PCNX4: variants seen among roughly 807,000 people sequenced by gnomAD.
The protein encoded by PCNX4 is pecanex-like protein 4.
In PCNX4, 103 loss-of-function variants were observed where a neutral mutation model predicts 107.2. The ratio of observed to expected loss-of-function variants is 0.96; its 90% confidence interval spans 0.82 to 1.13. The LOEUF is 1.13. Among genes scored for constraint, PCNX4 ranks in the 50% most tolerant of loss-of-function variants. The pLI, the probability that PCNX4 is intolerant of heterozygous loss-of-function variation, is 0.00. For missense variants in PCNX4, 1,528 were observed against 1,379.4 expected, an observed-to-expected ratio of 1.11 and a Z score of -1.71; for synonymous variants, 541 against 481.7, an observed-to-expected ratio of 1.12 and a Z score of -1.61.
chr14:60,117,549 C>G (rs309000), intron 6 of PCNX4, among the ~76,000 whole-genome samples: 39,652 of 152,010 alleles, frequency 0.26, 7,618 homozygotes, highest in African/African-American at 0.54. Flanking sequence ...TTGGGTATAC[C>G]TACCTAGGAC....
In PCNX4 at chr14:60,122,864, G is replaced by A. The variant is rs373843487; in HGVS notation, c.2047-1354G>A. Among the ~76,000 whole-genome samples, 18 of 152,014 alleles carry A rather than the reference G, an allele frequency of 1.2e-4. No homozygotes were observed. The East Asian group carries it at 3.3e-3, about 28-fold the overall frequency. ...GTACTAGCACAGATTGGATAAAATC[G>A]CTAGTGACTAAAAAGCTGTCTCTTT... On this transcript the variant is annotated intron_variant, in intron 8 of 10. Coordinates refer to ENST00000406854, the MANE Select transcript of PCNX4 (RefSeq NM_001330177.2).
At chr14:60,102,438 A>G (rs998264284) in intron 1 of PCNX4, among the ~76,000 whole-genome samples, 2 of 152,162 alleles carry the variant, frequency 1.3e-5, no homozygotes, top group Non-Finnish European at 2.9e-5. Context: ...GATTTTTAGT[A>G]TGGTGTTATA....
chr14:60,100,853 C>T (rs1352806981), intron 1 of PCNX4, among the ~76,000 whole-genome samples: 1 of 152,206 alleles, frequency 6.6e-6, no homozygotes, highest in Admixed American at 6.5e-5. Flanking sequence ...TGAAATTGCC[C>T]TGCAAAGTCT....
At chr14:60,122,183 C>G (rs1174561443) in intron 8 of PCNX4, among the ~76,000 whole-genome samples, 1 of 152,164 alleles carries the variant, frequency 6.6e-6, no homozygotes, top group Non-Finnish European at 1.5e-5. Context: ...TGATCCCTTA[C>G]CTGGATAATT....
At chr14:60,095,509 G>C (rs1134484) in intron 1 of PCNX4, among the ~76,000 whole-genome samples, 19 of 152,204 alleles carry the variant, frequency 1.2e-4, no homozygotes, top group South Asian at 8.3e-4. Context: ...AAACCAAAAG[G>C]GGGGAGACAG....
chr14:60,125,848 T>TA, intron 10 of PCNX4, 25 bp downstream of exon 10: 3 of 1,481,356 alleles, frequency 2.0e-6, no homozygotes, highest in Non-Finnish European at 1.8e-6. Flanking sequence ...TTTTTAAACT[T>TA]ACATATACTA....
chr14:60,138,471 C>T lies in PCNX4; in HGVS notation c.*4250C>T, dbSNP rs1164022751. 2 of 152,052 alleles carry T rather than the reference C, an allele frequency of 1.3e-5. No homozygotes were observed. Among genetic ancestry groups the T allele is most frequent in the Non-Finnish European group, 2.9e-5 (2 of 67,996 alleles). 9.4% of individuals were successfully genotyped at this position (152,052 alleles called of 1,614,324 possible). A position where few individuals can be genotyped will look rare whatever the true frequency, so the allele number is the denominator to read the frequency against. On this transcript the variant is annotated 3_prime_UTR_variant, in exon 11 of 11. Coordinates refer to ENST00000406854, the MANE Select transcript of PCNX4 (RefSeq NM_001330177.2). ...ACAAAAAGAAAATCATTAAAGGAGC[C>T]AGACAATGATAAAAGACATTACTTT...
intron 2 of PCNX4, chr14:60,109,780 G>A (rs1214428916): frequency 6.0e-6 from 1 of 167,110 alleles, no homozygotes; most frequent in Non-Finnish European, 1.5e-5. Flanking sequence ...GGACATTAAG[G>A]GTGATTCTGA....
Position 60,116,028 on chromosome 14 carries a change from A to G in PCNX4, c.1546A>G (p.Arg516Gly). 6.2e-7 allele frequency: 1 copy of G among 1,612,580 alleles called. No homozygotes were observed. The highest frequency in any genetic ancestry group is 8.5e-7 in the Non-Finnish European group (1 of 1,179,270). Reference protein sequence around the residue: ...LISSTDIWWNRSLDTGLRLLL... With the variant: ...LISSTDIWWNGSLDTGLRLLL... The stretch of plus-strand genomic sequence containing the variant: ...CTCCAGTACAGACATATGGTGGAAC[A>G]GAAGCCTGGATACAGGACTCAGACT... The change falls in exon 6 of 11, where the codon AGA (arginine) becomes GGA (glycine). Residue 516 changes from arginine (R) to glycine (G), a missense_variant. Coordinates refer to ENST00000406854, the MANE Select transcript of PCNX4 (RefSeq NM_001330177.2).
At chr14:60,092,528 A>G (rs1173418274) in intron 1 of PCNX4, 109 bp downstream of exon 1, 1 of 152,212 alleles carries the variant, frequency 6.6e-6, no homozygotes, top group African/African-American at 2.4e-5. Flanking sequence ...CAAGAAACAT[A>G]TTTTTCGTTT....
rs775186557 is a variant in PCNX4 at position 60,115,994 on chromosome 14, A to G, written c.1512A>G (p.Val504=). ...TGGAGACAGTCATTGTATCAACAGT[A>G]CACTTGATCTCCAGTACAGACATAT... The part of the protein sequence containing the change: ...ALLETVIVST[V]HLISSTDIWW... The change falls in exon 6 of 11, where the codon GTA becomes GTG. Residue 504 remains valine, a synonymous_variant. Transcript: ENST00000406854. 6.2e-7 allele frequency: 1 copy of G among 1,612,930 alleles called. No individual in the cohort carries two copies. The highest frequency in any genetic ancestry group is 8.5e-7 in the Non-Finnish European group (1 of 1,179,286).
At chr14:60,101,601 G>A (rs1895533789) in intron 1 of PCNX4, among the ~76,000 whole-genome samples, 1 of 152,074 alleles carries the variant, frequency 6.6e-6, no homozygotes, top group Non-Finnish European at 1.5e-5. Flanking sequence ...GTGTTGGTGA[G>A]GATATGGAGG....
chr14:60,108,529 G>GT (rs1457216502), intron 2 of PCNX4: 13 of 389,908 alleles, frequency 3.3e-5, no homozygotes, highest in Non-Finnish European at 5.5e-5. Context: ...TTATTAAAGA[G>GT]TTTTTTTAAA....
Position 60,139,051 on chromosome 14 carries a change from G to A in PCNX4, c.*4830G>A, listed in dbSNP as rs1896274530. Reference sequence around the variant, plus strand: ...TACAGGGCTAAAGTGGAATAATAAGGCAAAAAGGTAGAGAAAATATAGAAC... The same window carrying A: ...TACAGGGCTAAAGTGGAATAATAAGACAAAAAGGTAGAGAAAATATAGAAC... On this transcript the variant is annotated 3_prime_UTR_variant, in exon 11 of 11. Transcript: ENST00000406854. 6.6e-6 allele frequency: 1 copy of A among 151,854 alleles called. No individual in the cohort carries two copies. Among genetic ancestry groups the A allele is most frequent in the South Asian group, 2.1e-4 (1 of 4,822 alleles). The allele number at this position is 151,854 out of a possible 1,614,324, so 9.4% of individuals were successfully genotyped here. A position where few individuals can be genotyped will look rare whatever the true frequency, so the allele number is the denominator to read the frequency against.
chr14:60,119,401 C>T (rs1291184198), intron 7 of PCNX4, among the ~76,000 whole-genome samples: 1 of 152,154 alleles, frequency 6.6e-6, no homozygotes, highest in African/African-American at 2.4e-5. Context: ...TGTGCTTTAA[C>T]CCCTGAAACT....
In PCNX4 at chr14:60,108,115, C is replaced by T. The variant is rs746014808; in HGVS notation, c.477C>T (p.Leu159=). Residue 159 remains leucine (L), a synonymous_variant, in exon 2 of 11, where the codon CTC becomes CTT. Transcript: ENST00000406854. ...GTGGTCTTGGAACATGGTATCTGCT[C>T]CCAAATAGAATAACCTTGCTGTATG... ...LACGLGTWYL[L]PNRITLLYGS... 4.5e-5 allele frequency: 73 copies of T among 1,612,708 alleles called. No homozygotes were observed. The highest frequency in any genetic ancestry group is 1.0e-5 in the Non-Finnish European group (12 of 1,179,880).
At chr14:60,114,571 T>C (rs1022320540) in intron 2 of PCNX4, 129 bp from the exon 3 acceptor site, 2 of 716,254 alleles carry the variant, frequency 2.8e-6, no homozygotes, top group Non-Finnish European at 4.4e-6. Flanking sequence ...ACTAAGACTT[T>C]TCTGTGGTGT....
intron 1 of PCNX4, among the ~76,000 whole-genome samples, chr14:60,096,993 C>T (rs1895437780): frequency 6.6e-6 from 1 of 152,142 alleles, no homozygotes; most frequent in Non-Finnish European, 1.5e-5. Context: ...CTGTAGCACA[C>T]CTGTTGTTAA....
In PCNX4 at chr14:60,107,919, C is replaced by G; in HGVS notation, c.281C>G (p.Ala94Gly). ...AFVIQFTSLY[A>G]KNKSTTVERI... is the part of the protein sequence containing the mutation. ...GTCATCCAGTTCACAAGTTTATACG[C>G]CAAAAACAAATCAACAACAGTAGAA... The change falls in exon 2 of 11, where the codon GCC becomes GGC. Residue 94 changes from alanine to glycine, a missense_variant. Transcript: ENST00000406854. 1 of 1,612,728 alleles carries G rather than the reference C, an allele frequency of 6.2e-7. No individual in the cohort carries two copies. The highest frequency in any genetic ancestry group is 8.5e-7 in the Non-Finnish European group (1 of 1,179,864).
Sources: gnomAD v4.1 joint callset for allele counts (sites outside exome capture counted in the v4.1 genomes callset) on GRCh38, gnomAD v4.1.1 for gene constraint, MANE v1.5 for transcripts, NCBI Gene and HGNC (gene_info 2026-07-23, HGNC 2026-07-21) for gene names.